Variants in EPS8 observed in about 807,000 individuals in gnomAD.
EPS8 encodes EGFR pathway substrate 8, signaling adaptor, also known as epidermal growth factor receptor kinase substrate 8.
In EPS8, 42 loss-of-function variants were observed where a neutral mutation model predicts 103.8. The observed-to-expected ratio is 0.40, with a 90% CI of 0.32 to 0.52. The LOEUF (loss-of-function observed/expected upper bound fraction) is 0.52, where lower values mean the gene tolerates loss of function less well. Ranked by LOEUF, EPS8 falls within the 20% of genes least tolerant of loss-of-function variation. The pLI is 0.40. For synonymous variants in EPS8, 344 were observed against 344.6 expected (o/e 1.00, Z 0.02); for missense variants, 969 against 1,005.1 (o/e 0.96, Z 0.49).
In EPS8 at chr12:15,695,483, G is replaced by A. The variant is rs1698407867; in HGVS notation, c.-21-12511C>T. Among the ~76,000 whole-genome samples the A allele has an allele frequency of 6.6e-6, 1 of 152,236 alleles. No homozygotes were observed. Among genetic ancestry groups the A allele is most frequent in the South Asian group, 2.1e-4 (1 of 4,826 alleles). Reference sequence around the variant, plus strand: ...AGCACAAGTGTTGAGCACTTGAAATGTGGCTAGTGCCACTAAGAAACTGAA... The same window carrying A: ...AGCACAAGTGTTGAGCACTTGAAATATGGCTAGTGCCACTAAGAAACTGAA... On this transcript the variant is annotated intron_variant, in intron 1 of 20. Transcript: ENST00000281172. This position sits in a 1 kb window ranked among gnomAD's most constrained non-coding sequence, Gnocchi z 5.0.
chr12:15,657,166 T>C (rs1945521675), intron 12 of EPS8, among the ~76,000 whole-genome samples: 1 of 152,194 alleles, frequency 6.6e-6, no homozygotes, highest in Admixed American at 6.5e-5. Context: ...TCTGTTGAAG[T>C]CACAGCTCTA....
intron 17 of EPS8, chr12:15,634,849 A>C: frequency 2.5e-6 from 1 of 397,460 alleles, no homozygotes; most frequent in Non-Finnish European, 4.4e-6. Flanking sequence ...AATTCACATC[A>C]AATATCAGAA....
intron 18 of EPS8, among the ~76,000 whole-genome samples, chr12:15,630,804 C>T (rs1220284247): frequency 6.6e-6 from 1 of 152,158 alleles, no homozygotes; most frequent in African/African-American, 2.4e-5. Flanking sequence ...GGGTTTTCAA[C>T]CTCAGCACCA....
In EPS8 at chr12:15,658,568, G is replaced by T. The variant is rs140714218; in HGVS notation, c.955C>A (p.Arg319=). ...TCATCAGGAGGTGGAGGTTTTGCCCGCAGCGTTAAAACACCCTCTAATGAA... is the reference window on the plus strand; with the variant it reads ...TCATCAGGAGGTGGAGGTTTTGCCCTCAGCGTTAAAACACCCTCTAATGAA... ...KGPGEGVLTL[R]AKPPPPDEFL... is the part of the protein sequence containing the mutation. Residue 319 remains arginine (R), a synonymous_variant, in exon 11 of 21, where the codon CGG becomes AGG. Coordinates refer to ENST00000281172, the MANE Select transcript of EPS8 (RefSeq NM_004447.6). The T allele has an allele frequency of 5.0e-6, 8 of 1,611,952 alleles. No individual in the cohort carries two copies. In the South Asian group the frequency reaches 5.5e-5, roughly 11 times the overall value.
At chr12:15,723,760 C>T (rs187130881) in intron 1 of EPS8, among the ~76,000 whole-genome samples, 5 of 152,208 alleles carry the variant, frequency 3.3e-5, no homozygotes, top group African/African-American at 9.6e-5. Context: ...ATAGATTATT[C>T]TAATTATACT....
chr12:15,624,462 C>T, intron 18 of EPS8, 55 bp from the exon 19 acceptor site: 1 of 1,323,608 alleles, frequency 7.6e-7, no homozygotes, highest in Non-Finnish European at 1.0e-6. Flanking sequence ...TTACATCACC[C>T]TCTCTAGAAC....
intron 1 of EPS8, among the ~76,000 whole-genome samples, chr12:15,744,991 G>A (rs1946861421): frequency 6.6e-6 from 1 of 152,024 alleles, no homozygotes; most frequent in South Asian, 2.1e-4. Context: ...AGCCTCCCAA[G>A]TAGCTGGGAT....
rs566013310 is a variant in EPS8 at position 15,680,361 on chromosome 12, C to T, written c.136+865G>A. Among the ~76,000 whole-genome samples the T allele has an allele frequency of 1.3e-4, 20 of 152,178 alleles. 1 individual carries two copies. The East Asian group carries it at 2.9e-3, about 22-fold the overall frequency. ...TAATATCAACAATAATAATAGCAAA[C>T]ACATACAGTGTTTTCTACTTGCCAA... On this transcript the variant is annotated intron_variant, in intron 3 of 20. Transcript: ENST00000281172.
intron 15 of EPS8, among the ~76,000 whole-genome samples, chr12:15,644,913 T>G (rs1393755176): frequency 6.6e-6 from 1 of 152,128 alleles, no homozygotes; most frequent in Non-Finnish European, 1.5e-5. Context: ...CATCAATGAT[T>G]CATGTATTTA....
chr12:15,631,448 C>T lies in EPS8; in HGVS notation c.2038G>A (p.Val680Met), dbSNP rs1278380280. The T allele has an allele frequency of 6.2e-7, 1 of 1,614,012 alleles. No homozygotes were observed. The highest frequency in any genetic ancestry group is 8.5e-7 in the Non-Finnish European group (1 of 1,179,936). Residue 680 changes from valine to methionine, a missense_variant, in exon 18 of 21, where the codon GTG becomes ATG. Physicochemically the swap from Val to Met is conservative, Grantham distance 21 (BLOSUM62 1). Coordinates refer to ENST00000281172, the MANE Select transcript of EPS8 (RefSeq NM_004447.6). ...GCCTCCCTGGGAAACTTACGGTCCA[C>T]CGGAAGTTGTTTGTGTCTCTGGCTG... The part of the protein sequence containing the change: ...RDSQRHKQLP[V>M]DRRKSQMEEV...
chr12:15,633,677 T>C (rs1473360708), intron 17 of EPS8, among the ~76,000 whole-genome samples: 1 of 152,210 alleles, frequency 6.6e-6, no homozygotes, highest in African/African-American at 2.4e-5. Context: ...AAGAAACCCA[T>C]ATGAAAATGT....
rs921882463 is a variant in EPS8, at chr12:15,643,358, GT to G, written c.1569-1529del. On this transcript the variant is annotated intron_variant, in intron 15 of 20. Transcript: ENST00000281172. Reference sequence around the variant, plus strand: ...AATTTACAAATCTTTATGGCTCACAGTTTTTTGCCCTCTATATGTTAAGCAT... The same window carrying G: ...AATTTACAAATCTTTATGGCTCACAGTTTTTGCCCTCTATATGTTAAGCAT... Among the ~76,000 whole-genome samples, 136 of 152,252 alleles carry G rather than the reference GT, an allele frequency of 8.9e-4. 2 individuals are homozygous for G. The highest frequency in any genetic ancestry group is 5.7e-4 in the Non-Finnish European group (39 of 68,024).
Position 15,695,131 on chromosome 12 carries a change from C to T in EPS8, c.-21-12159G>A, listed in dbSNP as rs1591866050. 2.6e-5 allele frequency among the ~76,000 whole-genome samples: 4 copies of T among 152,216 alleles called. 1 individual carries two copies. Among genetic ancestry groups the T allele is most frequent in the Admixed American group, 2.6e-4 (4 of 15,294 alleles). On this transcript the variant is annotated intron_variant, in intron 1 of 20. Transcript: ENST00000281172. This position sits in a 1 kb window ranked among gnomAD's most constrained non-coding sequence, Gnocchi z 5.0. ...AGAGTTATAAGTAAAGGTAATTTGGCCATGACATCAGCAACAAGTTGTGCT... is the reference window on the plus strand; with the variant it reads ...AGAGTTATAAGTAAAGGTAATTTGGTCATGACATCAGCAACAAGTTGTGCT...
chr12:15,647,098 C>T, intron 15 of EPS8, 29 bp downstream of exon 15: 1 of 1,600,564 alleles, frequency 6.2e-7, no homozygotes, highest in African/African-American at 1.3e-5. Flanking sequence ...TTATCCACAG[C>T]TCTCCAAAGG....
At position 15,759,627 on chromosome 12, in the gene EPS8, C is replaced by A. The variant is rs1947021198; in HGVS notation, c.-22+29534G>T. On this transcript the variant is annotated intron_variant, in intron 1 of 20. Coordinates refer to ENST00000281172, the MANE Select transcript of EPS8 (RefSeq NM_004447.6). The surrounding 1 kb of genome is among the most constrained non-coding windows in gnomAD (Gnocchi z 4.9). ...AATAGTATCAAGCATCTTCCCTGAC[C>A]ACAAAGGAATAAAACTAGAAATCAA... is the stretch of plus-strand genomic sequence containing the variant. Among the ~76,000 whole-genome samples the A allele has an allele frequency of 6.6e-6, 1 of 151,906 alleles. No homozygotes were observed. The highest frequency in any genetic ancestry group is 2.1e-4 in the South Asian group (1 of 4,824).
intron 12 of EPS8, among the ~76,000 whole-genome samples, chr12:15,655,891 C>T (rs1284631669): frequency 1.3e-5 from 2 of 152,214 alleles, no homozygotes; most frequent in Non-Finnish European, 2.9e-5. Flanking sequence ...TGTTCCTCCC[C>T]ATCTCCCTCG....
In EPS8 at chr12:15,696,290, A is replaced by T. The variant is rs1946241880; in HGVS notation, c.-21-13318T>A. On this transcript the variant is annotated intron_variant, in intron 1 of 20. Transcript: ENST00000281172. This position sits in a 1 kb window ranked among gnomAD's most constrained non-coding sequence, Gnocchi z 4.8. ...TAAAAGACAGTAGGGATGAAGAAAC[A>T]CAAAAATAAAACAGTAAAATCTATA... is the stretch of plus-strand genomic sequence containing the variant. 6.6e-6 allele frequency among the ~76,000 whole-genome samples: 1 copy of T among 152,160 alleles called. No individual in the cohort carries two copies.
intron 1 of EPS8, among the ~76,000 whole-genome samples, chr12:15,687,833 A>C (rs1213953419): frequency 1.3e-5 from 2 of 152,206 alleles, no homozygotes; most frequent in Non-Finnish European, 2.9e-5. Context: ...CTAATATCTC[A>C]GTTCAAAATG....
chr12:15,632,839 C>T (rs560081501), intron 17 of EPS8, among the ~76,000 whole-genome samples: 8 of 152,144 alleles, frequency 5.3e-5, no homozygotes, highest in African/African-American at 1.2e-4. Flanking sequence ...GTCCACTTCA[C>T]GGCAAATGAC....
Sources: gnomAD v4.1 joint callset for allele counts (sites outside exome capture counted in the v4.1 genomes callset) on GRCh38, gnomAD v4.1.1 for gene constraint, Gnocchi (gnomAD v3.1) non-coding constraint, MANE v1.5 for transcripts, NCBI Gene and HGNC (gene_info 2026-07-23, HGNC 2026-07-21) for gene names.